Variants in CNTNAP2 observed in about 807,000 individuals in gnomAD.
The protein encoded by CNTNAP2 is contactin-associated protein-like 2.
CNTNAP2 carries 98 observed loss-of-function variants against 155.2 expected under a neutral mutation model. The observed-to-expected ratio is 0.63, with a 90% CI of 0.54 to 0.75. The LOEUF is 0.75. Among genes scored for constraint, CNTNAP2 ranks in the 30% least tolerant of loss-of-function variants. The probability of loss-of-function intolerance (pLI) is 0.00; values close to 1 mark genes in which losing one functional copy is unlikely to be tolerated. For synonymous variants in CNTNAP2, 651 were observed against 631.2 expected (o/e 1.03, Z -0.47); for missense variants, 1,727 against 1,688.1 (o/e 1.02, Z -0.40).
intron 8 of CNTNAP2, among the ~76,000 whole-genome samples, chr7:147,253,385 T>TG (rs1804248156): frequency 1.5e-5 from 2 of 134,436 alleles, no homozygotes; most frequent in South Asian, 4.4e-4. Flanking sequence ...GGTTCTCTGT[T>TG]TTTTTTTTTT....
intron 8 of CNTNAP2, among the ~76,000 whole-genome samples, chr7:147,234,733 G>C (rs868503235): frequency 6.6e-6 from 1 of 152,136 alleles, no homozygotes; most frequent in Non-Finnish European, 1.5e-5. Flanking sequence ...GGAGATTGCT[G>C]TCTTTCCTTG....
intron 20 of CNTNAP2, among the ~76,000 whole-genome samples, chr7:148,242,412 A>T (rs528935883): frequency 6.6e-6 from 1 of 152,304 alleles, no homozygotes; most frequent in African/African-American, 2.4e-5. Context: ...GAAGATTTTG[A>T]TGGACATGGT....
rs146291180 is a variant in CNTNAP2 at position 147,214,752 on chromosome 7, T to G, written c.1348+82243T>G. 3.1e-3 allele frequency among the ~76,000 whole-genome samples: 465 copies of G among 152,246 alleles called. 2 individuals are homozygous for G. Among genetic ancestry groups the G allele is most frequent in the African/African-American group, 0.01 (432 of 41,560 alleles). On this transcript the variant is annotated intron_variant, in intron 8 of 23. Coordinates refer to ENST00000361727, the MANE Select transcript of CNTNAP2 (RefSeq NM_014141.6). ...CCTGTATATTTCCTGCCCCCACACATGCATAGCCTCCTCCATTATCAACAT... is the reference window on the plus strand; with the variant it reads ...CCTGTATATTTCCTGCCCCCACACAGGCATAGCCTCCTCCATTATCAACAT...
intron 17 of CNTNAP2, among the ~76,000 whole-genome samples, chr7:148,169,085 A>G (rs1263728557): frequency 6.6e-6 from 1 of 152,262 alleles, no homozygotes; most frequent in Non-Finnish European, 1.5e-5. Context: ...AGTTATTTAT[A>G]ACCAAGAGTT....
chr7:147,188,520 G>C (rs1802614580), intron 8 of CNTNAP2, among the ~76,000 whole-genome samples: 1 of 152,212 alleles, frequency 6.6e-6, no homozygotes, highest in South Asian at 2.1e-4. Flanking sequence ...CTATCCCTGA[G>C]AGAAAGCACC....
chr7:147,439,466 T>G (rs1797603485), intron 10 of CNTNAP2, among the ~76,000 whole-genome samples: 1 of 152,082 alleles, frequency 6.6e-6, no homozygotes, highest in Admixed American at 6.5e-5. Flanking sequence ...ATTTCAATTT[T>G]TTTAATGTTG....
At chr7:147,894,937 TTTTCTTTC>T (rs554440037) in intron 13 of CNTNAP2, among the ~76,000 whole-genome samples, 9,113 of 94,230 alleles carry the variant, frequency 0.097, 1,657 homozygotes, top group African/African-American at 0.18. Context: ...ATTGGTTTCT[TTTTCTTTC>T]TTTCTTTCTT....
chr7:146,118,100 A>G (rs2116713030), intron 1 of CNTNAP2, among the ~76,000 whole-genome samples: 1 of 152,312 alleles, frequency 6.6e-6, no homozygotes, highest in Admixed American at 6.5e-5. Context: ...ATCTTATTGT[A>G]GTGGTAAATA....
At chr7:148,019,726 G>C (rs943842626) in intron 15 of CNTNAP2, among the ~76,000 whole-genome samples, 1 of 152,052 alleles carries the variant, frequency 6.6e-6, no homozygotes, top group Non-Finnish European at 1.5e-5. Flanking sequence ...CAAAGTGCTG[G>C]GGTTACAGGT....
At chr7:147,281,999 A>G (rs1404989799) in intron 8 of CNTNAP2, among the ~76,000 whole-genome samples, 1 of 151,900 alleles carries the variant, frequency 6.6e-6, no homozygotes, top group Admixed American at 6.6e-5. Context: ...CAGGACCTCC[A>G]TCTTCCAAAA....
At chr7:146,216,810 G>A (rs1387918266) in intron 1 of CNTNAP2, among the ~76,000 whole-genome samples, 1 of 152,182 alleles carries the variant, frequency 6.6e-6, no homozygotes, top group East Asian at 1.9e-4. Context: ...ATGTAAAAAT[G>A]GGATTTGTAC....
intron 13 of CNTNAP2, among the ~76,000 whole-genome samples, chr7:147,812,942 T>A (rs899675222): frequency 5.9e-4 from 89 of 152,106 alleles, no homozygotes; most frequent in Non-Finnish European, 2.5e-4. Context: ...ATACATGTAG[T>A]ATATATTAAA....
intron 1 of CNTNAP2, among the ~76,000 whole-genome samples, chr7:146,508,976 A>AGG (rs1797426731): frequency 1.3e-5 from 2 of 152,036 alleles, no homozygotes; most frequent in Admixed American, 6.5e-5. Context: ...TGCTTCCCCG[A>AGG]GGGCTGCCAT....
At chr7:147,981,786 G>GGTGTGTGTGT (rs57272792) in intron 15 of CNTNAP2, among the ~76,000 whole-genome samples, 59 of 143,776 alleles carry the variant, frequency 4.1e-4, no homozygotes, top group African/African-American at 5.7e-4. Flanking sequence ...TGTCCTTACA[G>GGTGTGTGTGT]GTGTGTGTGT....
intron 1 of CNTNAP2, among the ~76,000 whole-genome samples, chr7:146,418,794 T>C (rs1795971745): frequency 1.3e-5 from 2 of 152,182 alleles, no homozygotes; most frequent in South Asian, 4.1e-4. Flanking sequence ...ATGATCAATT[T>C]GAGATGAGGT....
intron 11 of CNTNAP2, among the ~76,000 whole-genome samples, chr7:147,507,743 C>T (rs188916966): frequency 2.0e-5 from 3 of 151,764 alleles, no homozygotes; most frequent in East Asian, 2.0e-4. Flanking sequence ...TTAGTAGAGA[C>T]GGAGTTTCAC....
At chr7:147,084,468 G>GTA (rs1216957735) in intron 4 of CNTNAP2, among the ~76,000 whole-genome samples, 18 of 140,222 alleles carry the variant, frequency 1.3e-4, no homozygotes, top group Non-Finnish European at 2.3e-4. Context: ...TGCTATATAT[G>GTA]TATATACACA....
intron 7 of CNTNAP2, among the ~76,000 whole-genome samples, chr7:147,130,076 T>C (rs1801322184): frequency 6.6e-6 from 1 of 152,070 alleles, no homozygotes; most frequent in South Asian, 2.1e-4. Context: ...AAATAAGTTA[T>C]TTTATGAGAA....
At chr7:148,081,372 G>A (rs764985244) in intron 15 of CNTNAP2, among the ~76,000 whole-genome samples, 22 of 152,184 alleles carry the variant, frequency 1.4e-4, no homozygotes, top group African/African-American at 3.9e-4. Context: ...ATTTGAGTCC[G>A]TGGGCTGCAA....
Sources: gnomAD v4.1 joint callset for allele counts (sites outside exome capture counted in the v4.1 genomes callset) on GRCh38, gnomAD v4.1.1 for gene constraint, MANE v1.5 for transcripts, NCBI Gene and HGNC (gene_info 2026-07-23, HGNC 2026-07-21) for gene names.